Variants in RHOU observed in about 807,000 individuals in gnomAD.
RHOU encodes the protein ras homolog family member U.
In RHOU, 8 loss-of-function variants were observed where a neutral mutation model predicts 12.6. The ratio of observed to expected loss-of-function variants is 0.64; its 90% CI spans 0.37 to 1.15. The LOEUF is 1.15. RHOU is among the 50% of genes most tolerant of loss of function. RHOU has a pLI of 0.01. For synonymous variants in RHOU, 161 were observed against 147.4 expected (o/e 1.09, Z -0.67); for missense variants, 258 against 347.0 (o/e 0.74, Z 2.04).
At chr1:228,710,142 A>G in the RHOU span, among the ~76,000 whole-genome samples, 1 of 152,244 alleles carries the variant, frequency 6.6e-6, no homozygotes, top group East Asian at 1.9e-4. Context: ...GACCAATAAT[A>G]GGAGCTGAAA....
the RHOU span, among the ~76,000 whole-genome samples, chr1:228,699,709 G>A: frequency 2.8e-5 from 4 of 143,088 alleles, no homozygotes; most frequent in East Asian, 1.9e-4. Flanking sequence ...GTTTTATAAC[G>A]TGTCTAGTGA....
At chr1:228,712,839 AAATAAAAT>A in the RHOU span, among the ~76,000 whole-genome samples, 223 of 90,556 alleles carry the variant, frequency 2.5e-3, 1 homozygote, top group African/African-American at 0.013. Context: ...AAATAAAATA[AAATAAAAT>A]AAAATAAAAT....
Position 228,743,227 on chromosome 1 carries a change from C to G in RHOU, c.322-58C>G. On this transcript the variant is annotated intron_variant, in intron 2 of 2. Transcript: ENST00000366691. The surrounding 1 kb of genome is among the most constrained non-coding windows in gnomAD (Gnocchi z 5.1). ...CTTTCATGAAAAATGTGAAGGTGAT[C>G]TTTTTACTGATGAGAATTCATGAAA... is the stretch of plus-strand genomic sequence containing the variant. 6.7e-7 allele frequency: 1 copy of G among 1,482,182 alleles called. No individual in the cohort carries two copies. The highest frequency in any genetic ancestry group is 1.2e-5 in the South Asian group (1 of 85,976). The allele number at this position is 1,482,182 out of a possible 1,614,324, so 91.8% of individuals were successfully genotyped here. A position where few individuals can be genotyped will look rare whatever the true frequency, so the allele number is the denominator to read the frequency against.
At chr1:228,693,149 A>G in the RHOU span, among the ~76,000 whole-genome samples, 1 of 152,242 alleles carries the variant, frequency 6.6e-6, no homozygotes, top group Admixed American at 6.5e-5. Context: ...AAAGAAAACA[A>G]TAAATAAAGG....
At chr1:228,663,214 C>T in the RHOU span, among the ~76,000 whole-genome samples, 1 of 152,208 alleles carries the variant, frequency 6.6e-6, no homozygotes, top group African/African-American at 2.4e-5. Context: ...ATTCAAAGAT[C>T]AGAGTTGAAT....
At chr1:228,688,527 C>T in the RHOU span, among the ~76,000 whole-genome samples, 276 of 152,280 alleles carry the variant, frequency 1.8e-3, 2 homozygotes, top group African/African-American at 5.4e-3. Flanking sequence ...TCCATTCCTC[C>T]CATGTCTGCC....
chr1:228,736,072 G>A (rs997689365), intron 1 of RHOU, 68 bp downstream of exon 1: 6 of 1,465,822 alleles, frequency 4.1e-6, no homozygotes, highest in South Asian at 2.5e-5. Flanking sequence ...GGAAGGTGGC[G>A]CGAGGGTCGC....
the RHOU span, among the ~76,000 whole-genome samples, chr1:228,682,740 A>G: frequency 2.6e-5 from 4 of 152,324 alleles, no homozygotes; most frequent in Non-Finnish European, 4.4e-5. Flanking sequence ...AAAACCTCAC[A>G]ACATAGAAAC....
the RHOU span, among the ~76,000 whole-genome samples, chr1:228,726,773 G>A: frequency 6.6e-6 from 1 of 152,116 alleles, no homozygotes; most frequent in African/African-American, 2.4e-5. Context: ...GGAAATAATA[G>A]CACAGGTTTA....
the RHOU span, among the ~76,000 whole-genome samples, chr1:228,662,754 A>C: frequency 1.3e-5 from 2 of 152,180 alleles, no homozygotes; most frequent in East Asian, 1.9e-4. Flanking sequence ...TGGATGCAGC[A>C]AACCAACATG....
At chr1:228,718,784 G>C in the RHOU span, among the ~76,000 whole-genome samples, 10 of 152,320 alleles carry the variant, frequency 6.6e-5, no homozygotes, top group African/African-American at 2.4e-4. Flanking sequence ...CAGGTTGGTT[G>C]TAGACTGCTA....
chr1:228,727,094 T>A, the RHOU span, among the ~76,000 whole-genome samples: 1 of 152,214 alleles, frequency 6.6e-6, no homozygotes, highest in Admixed American at 6.5e-5. Context: ...ACTCTAAGCA[T>A]GTCTGTGTTG....
At chr1:228,707,255 AGTGTG>A in the RHOU span, among the ~76,000 whole-genome samples, 178 of 40,656 alleles carry the variant, frequency 4.4e-3, 1 homozygote, top group African/African-American at 0.017. Context: ...ATATATATAT[AGTGTG>A]TGTGTGTGTG....
chr1:228,671,449 G>C, the RHOU span, among the ~76,000 whole-genome samples: 1 of 151,926 alleles, frequency 6.6e-6, no homozygotes, highest in African/African-American at 2.4e-5. Context: ...GGGGGTGGTG[G>C]GTCATGCCTG....
In RHOU at chr1:228,735,734, C is replaced by A; in HGVS notation, c.-9C>A. The stretch of plus-strand genomic sequence containing the variant: ...TAGCCCGCGACCGCAAGCCCGCGCT[C>A]GCGGATCGATGCCCCCGCAGCAGGG... On this transcript the variant is annotated 5_prime_UTR_variant, in exon 1 of 3. Coordinates refer to ENST00000366691, the MANE Select transcript of RHOU (RefSeq NM_021205.6). The surrounding 1 kb of genome is among the most constrained non-coding windows in gnomAD (Gnocchi z 8.1). 1 of 1,203,852 alleles carries A rather than the reference C, an allele frequency of 8.3e-7. No homozygotes were observed. 74.6% of individuals were successfully genotyped at this position (1,203,852 alleles called of 1,614,324 possible). A position where few individuals can be genotyped will look rare whatever the true frequency, so the allele number is the denominator to read the frequency against.
the RHOU span, among the ~76,000 whole-genome samples, chr1:228,686,646 C>G: frequency 1.3e-5 from 2 of 152,164 alleles, no homozygotes; most frequent in Non-Finnish European, 2.9e-5. Context: ...CTATGAAAAG[C>G]AATGGCTTTT....
chr1:228,682,316 C>G, the RHOU span, among the ~76,000 whole-genome samples: 1 of 152,140 alleles, frequency 6.6e-6, no homozygotes, highest in Non-Finnish European at 1.5e-5. Flanking sequence ...ACTGGTCTCC[C>G]GAAGGAGTCC....
chr1:228,687,775 C>A, the RHOU span: 4 of 1,360,984 alleles, frequency 2.9e-6, no homozygotes, highest in Non-Finnish European at 4.1e-6. Context: ...TCTGGCTCGG[C>A]GGAATACCTC....
chr1:228,664,399 G>C, the RHOU span, among the ~76,000 whole-genome samples: 1 of 152,018 alleles, frequency 6.6e-6, no homozygotes, highest in Non-Finnish European at 1.5e-5. Flanking sequence ...AATGAGGAAA[G>C]CCATTTGCGG....
Sources: gnomAD v4.1 joint callset for allele counts (sites outside exome capture counted in the v4.1 genomes callset) on GRCh38, gnomAD v4.1.1 for gene constraint, Gnocchi (gnomAD v3.1) non-coding constraint, MANE v1.5 for transcripts, NCBI Gene and HGNC (gene_info 2026-07-23, HGNC 2026-07-21) for gene names.